CDIN1: variants seen among roughly 807,000 people sequenced by gnomAD.
CDIN1 encodes the protein CDAN1-interacting nuclease 1.
Under a neutral mutation model 45.3 loss-of-function variants are expected in CDIN1, and 33 were observed. That is an observed-to-expected ratio of 0.73 (90% CI 0.55 to 0.97). The LOEUF (loss-of-function observed/expected upper bound fraction) is 0.97. Among genes scored for constraint, CDIN1 ranks in the 50% least tolerant of loss-of-function variants. The probability of loss-of-function intolerance (pLI) is 0.00; values close to 1 mark genes in which losing one functional copy is unlikely to be tolerated. For synonymous variants in CDIN1, 118 were observed against 124.4 expected, an observed-to-expected ratio of 0.95 and a Z score of 0.34; for missense variants, 303 against 339.4, an observed-to-expected ratio of 0.89 and a Z score of 0.84.
At chr15:36,784,274 G>T (rs2054430794) in intron 10 of CDIN1, among the ~76,000 whole-genome samples, 1 of 152,274 alleles carries the variant, frequency 6.6e-6, no homozygotes, top group Non-Finnish European at 1.5e-5. Flanking sequence ...TTTAGCAGGG[G>T]CTCAGTAAAG....
intron 1 of CDIN1, among the ~76,000 whole-genome samples, chr15:36,610,543 T>C (rs778054043): frequency 2.6e-5 from 4 of 152,202 alleles, no homozygotes; most frequent in Non-Finnish European, 1.5e-5. Context: ...ACTTTATCTT[T>C]TATTTGGATG....
chr15:36,767,739 G>T (rs73385342), intron 10 of CDIN1, among the ~76,000 whole-genome samples: 11,291 of 152,190 alleles, frequency 0.074, 1,445 homozygotes, highest in African/African-American at 0.26. Context: ...TTAGAAATTA[G>T]CCTTTTTTGA....
In CDIN1 at chr15:36,751,309, T is replaced by A. The variant is rs2053465430; in HGVS notation, c.716+41348T>A. Among the ~76,000 whole-genome samples the A allele has an allele frequency of 3.4e-5, 5 of 147,004 alleles. No individual in the cohort carries two copies. The Admixed American group carries it at 3.4e-4, about 10-fold the overall frequency. On this transcript the variant is annotated intron_variant, in intron 10 of 10. Transcript: ENST00000566621. ...GCATACATATGGTTGAGAAGAGATTTAATTCATGTCTTAATGCCATGGAAA... is the reference window on the plus strand; with the variant it reads ...GCATACATATGGTTGAGAAGAGATTAAATTCATGTCTTAATGCCATGGAAA...
At chr15:36,628,666 T>C (rs2039552681) in intron 1 of CDIN1, among the ~76,000 whole-genome samples, 1 of 152,114 alleles carries the variant, frequency 6.6e-6, no homozygotes, top group East Asian at 1.9e-4. Flanking sequence ...GATGCTGGGA[T>C]GGGGCAAATG....
chr15:36,777,143 C>G (rs960886264), intron 10 of CDIN1, among the ~76,000 whole-genome samples: 3 of 152,106 alleles, frequency 2.0e-5, no homozygotes, highest in African/African-American at 4.8e-5. Context: ...ATAGTGCTTA[C>G]TTTACTGGAT....
intron 1 of CDIN1, chr15:36,619,347 G>A (rs1188904851): frequency 1.3e-5 from 6 of 469,648 alleles, no homozygotes; most frequent in Non-Finnish European, 2.2e-5. Flanking sequence ...TGTTTTGGAG[G>A]GGAGAGGGTA....
intron 8 of CDIN1, among the ~76,000 whole-genome samples, chr15:36,699,738 A>G (rs2042565145): frequency 6.6e-6 from 1 of 152,164 alleles, no homozygotes; most frequent in South Asian, 2.1e-4. Context: ...ATAAATTACT[A>G]ATTCTTTCTT....
intron 1 of CDIN1, among the ~76,000 whole-genome samples, chr15:36,637,659 C>T (rs1475017691): frequency 6.6e-6 from 1 of 152,168 alleles, no homozygotes; most frequent in Non-Finnish European, 1.5e-5. Context: ...CCAAGAGACT[C>T]ACCCAGGAGT....
At chr15:36,725,412 G>T (rs917740688) in intron 10 of CDIN1, among the ~76,000 whole-genome samples, 3 of 148,984 alleles carry the variant, frequency 2.0e-5, no homozygotes, top group Admixed American at 6.7e-5. Flanking sequence ...TTTTCAAAAT[G>T]ACAAATGTGA....
chr15:36,645,754 T>C (rs887348604), intron 3 of CDIN1, among the ~76,000 whole-genome samples: 3 of 152,164 alleles, frequency 2.0e-5, no homozygotes, highest in African/African-American at 7.2e-5. Context: ...TATTAGGATA[T>C]CCATTTTAGA....
At chr15:36,805,021 A>G (rs1344355169) in intron 10 of CDIN1, among the ~76,000 whole-genome samples, 1 of 151,998 alleles carries the variant, frequency 6.6e-6, no homozygotes, top group African/African-American at 2.4e-5. Flanking sequence ...TACTTATGAA[A>G]AACCTCATCT....
chr15:36,619,427 C>T (rs1465665985), intron 1 of CDIN1, among the ~76,000 whole-genome samples: 1 of 152,014 alleles, frequency 6.6e-6, no homozygotes, highest in African/African-American at 2.4e-5. Flanking sequence ...GTGATAGGAT[C>T]CCAAAATTCA....
intron 1 of CDIN1, among the ~76,000 whole-genome samples, chr15:36,605,100 T>C (rs2038299154): frequency 6.6e-6 from 1 of 152,204 alleles, no homozygotes; most frequent in Non-Finnish European, 1.5e-5. Context: ...TTGAATCTGA[T>C]TTCTTAAATT....
At chr15:36,774,176 A>G (rs868215027) in intron 10 of CDIN1, among the ~76,000 whole-genome samples, 1 of 44,472 alleles carries the variant, frequency 2.2e-5, no homozygotes, top group Non-Finnish European at 5.3e-5. Flanking sequence ...GCGCGCGCGC[A>G]TGCATGAGGG....
intron 10 of CDIN1, among the ~76,000 whole-genome samples, chr15:36,721,159 A>G (rs370264131): frequency 2.0e-5 from 3 of 152,070 alleles, no homozygotes; most frequent in East Asian, 1.9e-4. Context: ...AGTTCTTTGT[A>G]GATTCTGGGT....
chr15:36,705,810 C>A (rs149854845), intron 8 of CDIN1: 27 of 152,196 alleles, frequency 1.8e-4, no homozygotes, highest in African/African-American at 6.3e-4. Context: ...TACTTTGTAT[C>A]TACTGTAGTT....
chr15:36,798,010 G>T, intron 10 of CDIN1, among the ~76,000 whole-genome samples: 1 of 116,328 alleles, frequency 8.6e-6, no homozygotes, highest in Admixed American at 9.9e-5. Context: ...TCATTATATA[G>T]TAGAGAGTTA....
intron 10 of CDIN1, among the ~76,000 whole-genome samples, chr15:36,805,962 T>C (rs1361758068): frequency 6.6e-6 from 1 of 152,164 alleles, no homozygotes; most frequent in Non-Finnish European, 1.5e-5. Flanking sequence ...CTTAATTAAT[T>C]AGAGACATAT....
At chr15:36,746,725 A>C (rs2044455608) in intron 10 of CDIN1, among the ~76,000 whole-genome samples, 1 of 143,630 alleles carries the variant, frequency 7.0e-6, no homozygotes, top group African/African-American at 2.6e-5. Context: ...AAAGAAAACA[A>C]GGTATCATTA....
Sources: gnomAD v4.1 joint callset for allele counts (sites outside exome capture counted in the v4.1 genomes callset) on GRCh38, gnomAD v4.1.1 for gene constraint, MANE v1.5 for transcripts, NCBI Gene and HGNC (gene_info 2026-07-23, HGNC 2026-07-21) for gene names.